Variants in IQCM observed in about 807,000 individuals in gnomAD.
IQCM encodes IQ domain-containing protein M.
A neutral mutation model predicts 57.6 loss-of-function variants in IQCM; 45 were observed. The observed-to-expected ratio is 0.78, with a 90% CI of 0.62 to 1.00. The LOEUF is 1.00. Ranked by LOEUF, IQCM falls within the 50% of genes least tolerant of loss-of-function variation. IQCM has a pLI of 0.00. For missense variants in IQCM, 468 were observed against 511.6 expected (o/e 0.91, Z 0.82); for synonymous variants, 148 against 158.9 (o/e 0.93, Z 0.51).
intron 13 of IQCM, among the ~76,000 whole-genome samples, chr4:149,404,754 CA>C (rs1228594121): frequency 2.6e-5 from 4 of 151,648 alleles, no homozygotes; most frequent in Non-Finnish European, 5.9e-5. Flanking sequence ...CAAGGGTGTA[CA>C]AAAAGAATTG....
intron 13 of IQCM, among the ~76,000 whole-genome samples, chr4:149,413,234 A>G (rs1217635449): frequency 6.6e-6 from 1 of 152,226 alleles, no homozygotes; most frequent in Non-Finnish European, 1.5e-5. Flanking sequence ...GGCAATGACA[A>G]TACAGAAGAT....
chr4:149,507,822 G>A (rs574542217), intron 12 of IQCM, among the ~76,000 whole-genome samples: 3 of 152,250 alleles, frequency 2.0e-5, no homozygotes, highest in South Asian at 4.1e-4. Flanking sequence ...TGGAGAAAAT[G>A]TCTCCAGGGC....
intron 8 of IQCM, among the ~76,000 whole-genome samples, chr4:149,609,854 T>C (rs1755123079): frequency 6.6e-6 from 1 of 151,842 alleles, no homozygotes; most frequent in Non-Finnish European, 1.5e-5. Context: ...TTCACCACTT[T>C]TATTCAACAT....
chr4:149,553,085 C>A (rs1749187931), intron 11 of IQCM, 58 bp downstream of exon 11: 3 of 1,196,742 alleles, frequency 2.5e-6, no homozygotes. Context: ...ATTTAAAATT[C>A]CAATGGCTAA....
intron 12 of IQCM, among the ~76,000 whole-genome samples, chr4:149,519,142 C>T (rs1208588020): frequency 5.3e-5 from 8 of 152,038 alleles, no homozygotes; most frequent in Non-Finnish European, 1.2e-4. Context: ...CGAGTAAAAG[C>T]AAATAAATAA....
intron 12 of IQCM, among the ~76,000 whole-genome samples, chr4:149,450,598 A>C (rs1000541401): frequency 5.9e-5 from 9 of 151,886 alleles, no homozygotes; most frequent in African/African-American, 2.2e-4. Context: ...GCAAACAGGC[A>C]TGTAAAAATG....
At chr4:149,436,808 T>C (rs1405739527) in intron 12 of IQCM, among the ~76,000 whole-genome samples, 2 of 152,122 alleles carry the variant, frequency 1.3e-5, no homozygotes, top group Non-Finnish European at 2.9e-5. Flanking sequence ...AGCTCTTCCT[T>C]ACCCCTACCT....
intron 5 of IQCM, among the ~76,000 whole-genome samples, chr4:149,722,058 T>A (rs1294363784): frequency 6.6e-6 from 1 of 152,166 alleles, no homozygotes; most frequent in Non-Finnish European, 1.5e-5. Context: ...TATGGAGAAT[T>A]CTTCATATGT....
At chr4:149,668,761 G>A (rs1440874639) in intron 7 of IQCM, among the ~76,000 whole-genome samples, 2 of 152,138 alleles carry the variant, frequency 1.3e-5, no homozygotes, top group Non-Finnish European at 1.5e-5. Flanking sequence ...GCTGATCAAC[G>A]TGAAGAGCAG....
intron 2 of IQCM, among the ~76,000 whole-genome samples, chr4:149,761,236 GATCT>G (rs1358675465): frequency 6.6e-6 from 1 of 151,854 alleles, no homozygotes; most frequent in Non-Finnish European, 1.5e-5. Flanking sequence ...CTTAATCGTG[GATCT>G]ATTTATGGAT....
intron 8 of IQCM, among the ~76,000 whole-genome samples, chr4:149,591,247 T>C (rs1367347375): frequency 6.6e-6 from 1 of 152,058 alleles, no homozygotes. Flanking sequence ...TCTTTTCAAA[T>C]ATCATTGGAT....
At chr4:149,556,416 A>G (rs1027142585) in intron 10 of IQCM, among the ~76,000 whole-genome samples, 4 of 151,270 alleles carry the variant, frequency 2.6e-5, no homozygotes, top group African/African-American at 9.7e-5. Flanking sequence ...AGAGATTTTT[A>G]TATGTTAGGC....
intron 2 of IQCM, among the ~76,000 whole-genome samples, chr4:149,792,411 T>C (rs1264941093): frequency 2.0e-5 from 3 of 152,056 alleles, no homozygotes; most frequent in Non-Finnish European, 2.9e-5. Context: ...TAAAAAAATA[T>C]AAAATTTTCA....
chr4:149,499,498 T>C (rs1228164731), intron 12 of IQCM, among the ~76,000 whole-genome samples: 2 of 152,102 alleles, frequency 1.3e-5, no homozygotes, highest in African/African-American at 4.8e-5. Context: ...TAAAATATAT[T>C]ATAAAACCAG....
intron 12 of IQCM, among the ~76,000 whole-genome samples, chr4:149,545,269 A>T (rs1748275168): frequency 6.6e-6 from 1 of 152,208 alleles, no homozygotes; most frequent in African/African-American, 2.4e-5. Flanking sequence ...AAATGAAAAG[A>T]GAACCTGTAG....
chr4:149,503,157 G>T (rs1389394351), intron 12 of IQCM, among the ~76,000 whole-genome samples: 9 of 152,202 alleles, frequency 5.9e-5, no homozygotes, highest in African/African-American at 2.2e-4. Context: ...GAAGTTCGAG[G>T]TTACAGTGAG....
chr4:149,671,688 C>T (rs1168303236), intron 7 of IQCM, among the ~76,000 whole-genome samples: 2 of 152,094 alleles, frequency 1.3e-5, no homozygotes, highest in Non-Finnish European at 2.9e-5. Context: ...TCTTTGTTCT[C>T]ATTGGTTTCA....
intron 13 of IQCM, among the ~76,000 whole-genome samples, chr4:149,425,723 A>G (rs913644661): frequency 1.3e-5 from 2 of 151,980 alleles, no homozygotes; most frequent in African/African-American, 4.8e-5. Context: ...GTTACCAGCC[A>G]TCTGGGCATC....
chr4:149,550,826 T>C (rs1323449733), intron 11 of IQCM, among the ~76,000 whole-genome samples: 1 of 152,192 alleles, frequency 6.6e-6, no homozygotes, highest in East Asian at 1.9e-4. Flanking sequence ...ATTGAGTTAC[T>C]TTCCCCTCAA....
Sources: allele counts gnomAD v4.1 joint callset (sites outside exome capture counted in the v4.1 genomes callset), GRCh38; gene constraint gnomAD v4.1.1; transcripts MANE v1.5; gene names NCBI Gene and HGNC (gene_info 2026-07-23, HGNC 2026-07-21).